Variants in DYNC2H1 observed in about 807,000 individuals in gnomAD.
The protein encoded by DYNC2H1 is dynein cytoplasmic 2 heavy chain 1.
A neutral mutation model predicts 570.0 loss-of-function variants in DYNC2H1; 410 were observed. The observed-to-expected ratio is 0.72, with a 90% CI of 0.66 to 0.78. The LOEUF is 0.78. Ranked by LOEUF, DYNC2H1 falls within the 30% of genes least tolerant of loss-of-function variation. The probability of loss-of-function intolerance (pLI) is 0.00; values close to 1 mark genes in which losing one functional copy is unlikely to be tolerated. For synonymous variants in DYNC2H1, 1,688 were observed against 1,677.6 expected, an observed-to-expected ratio of 1.01 and a Z score of -0.15; for missense variants, 4,865 against 5,046.4, an observed-to-expected ratio of 0.96 and a Z score of 1.09.
At chr11:103,166,511 A>C (rs1861309485) in intron 31 of DYNC2H1, among the ~76,000 whole-genome samples, 1 of 152,038 alleles carries the variant, frequency 6.6e-6, no homozygotes, top group Admixed American at 6.5e-5. Flanking sequence ...TCTTTTGGAG[A>C]AGGTGTCCTA....
At chr11:103,227,190 C>T (rs192859939) in intron 59 of DYNC2H1, among the ~76,000 whole-genome samples, 42 of 151,642 alleles carry the variant, frequency 2.8e-4, no homozygotes, top group African/African-American at 9.9e-4. Flanking sequence ...TTTAGTTCTG[C>T]TCTAATCTTC....
chr11:103,317,160 A>C (rs1937898018), intron 80 of DYNC2H1, among the ~76,000 whole-genome samples: 1 of 152,106 alleles, frequency 6.6e-6, no homozygotes, highest in Non-Finnish European at 1.5e-5. Context: ...GTTTAGACCA[A>C]TGATGGATTA....
At chr11:103,414,385 C>G (rs1943201828) in intron 84 of DYNC2H1, among the ~76,000 whole-genome samples, 1 of 149,064 alleles carries the variant, frequency 6.7e-6, no homozygotes, top group African/African-American at 2.5e-5. Flanking sequence ...CTTTGGGAGG[C>G]CGAGGCACAT....
At chr11:103,193,540 CTT>C (rs1862400841) in intron 47 of DYNC2H1, among the ~76,000 whole-genome samples, 1 of 150,480 alleles carries the variant, frequency 6.6e-6, no homozygotes, top group Non-Finnish European at 1.5e-5. Context: ...TTTCTTTTTT[CTT>C]TTTCTTTTTT....
At chr11:103,390,907 T>G (rs1370582357) in intron 83 of DYNC2H1, among the ~76,000 whole-genome samples, 1 of 152,194 alleles carries the variant, frequency 6.6e-6, no homozygotes, top group African/African-American at 2.4e-5. Flanking sequence ...TAACCCGACC[T>G]TTCTCTCTGG....
chr11:103,447,716 T>C (rs1418321447), intron 85 of DYNC2H1, among the ~76,000 whole-genome samples: 2 of 152,204 alleles, frequency 1.3e-5, no homozygotes, highest in African/African-American at 2.4e-5. Flanking sequence ...ATTGGAAATG[T>C]GTAACATGCT....
At chr11:103,349,285 T>C (rs1249659042) in intron 82 of DYNC2H1, among the ~76,000 whole-genome samples, 1 of 152,188 alleles carries the variant, frequency 6.6e-6, no homozygotes, top group Admixed American at 6.5e-5. Context: ...ATAATAGATA[T>C]TATTTTAAAA....
chr11:103,207,025 G>A (rs1014861737), intron 52 of DYNC2H1, among the ~76,000 whole-genome samples: 10 of 151,922 alleles, frequency 6.6e-5, no homozygotes, highest in African/African-American at 2.4e-4. Flanking sequence ...GGCTTCATGC[G>A]ATTCTTCTGC....
chr11:103,143,250 TTTTC>T lies in DYNC2H1; in HGVS notation c.2575-10_2575-7del. ...GGTTCTGTGTCTTTAATAATACATT[TTTTC>T]TTTCTTTAAATAGGAATGGATTGTA... On this transcript the variant is annotated splice_polypyrimidine_tract_variant and intron_variant, in intron 17 of 88. Transcript: ENST00000375735. The T allele has an allele frequency of 6.2e-7, 1 of 1,609,708 alleles. No individual in the cohort carries two copies. The highest frequency in any genetic ancestry group is 8.5e-7 in the Non-Finnish European group (1 of 1,177,918).
chr11:103,430,333 G>A (rs563996240), intron 84 of DYNC2H1, among the ~76,000 whole-genome samples: 7 of 152,118 alleles, frequency 4.6e-5, no homozygotes, highest in East Asian at 1.9e-4. Flanking sequence ...GAGGGTTGTC[G>A]TAAGATATAA....
chr11:103,120,324 GT>G (rs1243238741), intron 6 of DYNC2H1, 122 bp from the exon 7 acceptor site: 11 of 930,546 alleles, frequency 1.2e-5, no homozygotes, highest in South Asian at 2.3e-5. Flanking sequence ...AGTTTTATTG[GT>G]TTTTTCTTTT....
intron 70 of DYNC2H1, among the ~76,000 whole-genome samples, chr11:103,273,512 T>G (rs745838165): frequency 2.0e-5 from 3 of 152,156 alleles, no homozygotes; most frequent in Non-Finnish European, 4.4e-5. Context: ...ATTCTTAATT[T>G]TAATTCAGTT....
chr11:103,179,561 C>G (rs1163792574), intron 39 of DYNC2H1, among the ~76,000 whole-genome samples: 2 of 151,620 alleles, frequency 1.3e-5, no homozygotes, highest in African/African-American at 4.8e-5. Context: ...CTAATATGAG[C>G]TAATATTATG....
intron 47 of DYNC2H1, among the ~76,000 whole-genome samples, chr11:103,192,559 A>G (rs1862361791): frequency 6.6e-6 from 1 of 152,184 alleles, no homozygotes; most frequent in Non-Finnish European, 1.5e-5. Context: ...TTACATGTAT[A>G]TAAAACATGA....
rs759432456 is a variant in DYNC2H1, at chr11:103,399,786, C to T, written c.12280C>T (p.Leu4094Phe). The part of the protein sequence containing the change: ...IRLVQSVHQS[L>F]AALSKVIRGT... ...TTTAGTACAAAGTGTCCACCAGTCTCTTGCTGCTCTCAGCAAAGTCATCAG... is the reference window on the plus strand; with the variant it reads ...TTTAGTACAAAGTGTCCACCAGTCTTTTGCTGCTCTCAGCAAAGTCATCAG... The change falls in exon 84 of 89, where the codon CTT becomes TTT. Residue 4094 changes from leucine to phenylalanine, a missense_variant. By Grantham distance (22) the Leu-to-Phe change is conservative. Around this residue, in one of 5 missense-constraint regions of DYNC2H1, gnomAD observed 2,401 missense variants for 2,454.6 expected, o/e 0.98. Transcript: ENST00000375735. 3 of 1,613,974 alleles carry T rather than the reference C, an allele frequency of 1.9e-6. No homozygotes were observed. The highest frequency in any genetic ancestry group is 2.7e-5 in the African/African-American group (2 of 75,062).
intron 85 of DYNC2H1, among the ~76,000 whole-genome samples, chr11:103,440,537 T>A (rs1300158771): frequency 2.6e-5 from 4 of 152,152 alleles, no homozygotes; most frequent in Admixed American, 6.6e-5. Context: ...ATTAAGCACC[T>A]TGAAGTTTGG....
At chr11:103,217,580 T>C (rs1863432373) in intron 55 of DYNC2H1, among the ~76,000 whole-genome samples, 1 of 152,118 alleles carries the variant, frequency 6.6e-6, no homozygotes, top group Non-Finnish European at 1.5e-5. Context: ...ACACAAAAAT[T>C]TACACAGTGT....
chr11:103,469,577 A>G (rs1417382067), intron 88 of DYNC2H1, among the ~76,000 whole-genome samples: 1 of 152,164 alleles, frequency 6.6e-6, no homozygotes, highest in East Asian at 1.9e-4. Flanking sequence ...TTATTTAAGG[A>G]AAATCTTAAA....
intron 83 of DYNC2H1, among the ~76,000 whole-genome samples, chr11:103,377,828 C>T (rs1941456453): frequency 6.6e-6 from 1 of 152,184 alleles, no homozygotes; most frequent in Admixed American, 6.5e-5. Context: ...CCTCCACCTC[C>T]CAGGTTCAAG....
Sources: gnomAD v4.1 joint callset for allele counts (sites outside exome capture counted in the v4.1 genomes callset) on GRCh38, gnomAD v4.1.1 for gene constraint, gnomAD v4.1.1 regional missense constraint, MANE v1.5 for transcripts, NCBI Gene and HGNC (gene_info 2026-07-23, HGNC 2026-07-21) for gene names.